Variants in OSBPL9 observed in about 807,000 individuals in gnomAD.
OSBPL9 encodes the protein oxysterol-binding protein-related protein 9.
OSBPL9 carries 40 observed loss-of-function variants against 106.6 expected under a neutral mutation model. That is an observed-to-expected ratio of 0.38 (90% confidence interval 0.29 to 0.49). OSBPL9 has a LOEUF of 0.49. OSBPL9 is among the 20% of genes least tolerant of loss of function. The pLI is 0.97. For synonymous variants in OSBPL9, 269 were observed against 295.4 expected (o/e 0.91, Z 0.92); for missense variants, 609 against 887.2 (o/e 0.69, Z 3.98).
At chr1:51,539,092 C>G in the OSBPL9 span, among the ~76,000 whole-genome samples, 1 of 152,158 alleles carries the variant, frequency 6.6e-6, no homozygotes, top group African/African-American at 2.4e-5. Context: ...AAATTTACAT[C>G]TTTTTCCCAG....
At chr1:51,633,368 A>G (rs1645224828) in intron 1 of OSBPL9, among the ~76,000 whole-genome samples, 1 of 151,462 alleles carries the variant, frequency 6.6e-6, no homozygotes, top group South Asian at 2.1e-4. Context: ...CCAGGTGTTC[A>G]AGACCAGCCT....
At chr1:51,621,783 A>G (rs1393761705) in intron 1 of OSBPL9, among the ~76,000 whole-genome samples, 1 of 152,192 alleles carries the variant, frequency 6.6e-6, no homozygotes, top group Non-Finnish European at 1.5e-5. Context: ...TTTACTCTGT[A>G]GAATTTTCTG....
At chr1:51,743,027 G>A (rs752480210) in intron 4 of OSBPL9, among the ~76,000 whole-genome samples, 12 of 152,126 alleles carry the variant, frequency 7.9e-5, no homozygotes, top group Non-Finnish European at 1.8e-4. Context: ...TAGAGTATTA[G>A]TTTTACTAGA....
At chr1:51,737,913 A>G (rs116266756) in intron 4 of OSBPL9, among the ~76,000 whole-genome samples, 1,757 of 152,186 alleles carry the variant, frequency 0.012, 31 homozygotes, top group African/African-American at 0.04. Flanking sequence ...TTTATTGCCT[A>G]AACTGGGATA....
chr1:51,573,501 T>C (rs1239055705), upstream of OSBPL9, among the ~76,000 whole-genome samples: 3 of 66,010 alleles, frequency 4.5e-5, no homozygotes, highest in East Asian at 5.0e-4. Flanking sequence ...AGCATGAAAC[T>C]CCATCTCAAA....
At chr1:51,734,122 G>A (rs966481858) in intron 4 of OSBPL9, among the ~76,000 whole-genome samples, 1 of 152,170 alleles carries the variant, frequency 6.6e-6, no homozygotes, top group South Asian at 2.1e-4. Context: ...GAATGGTTTG[G>A]TTGCTCTGTA....
At chr1:51,697,321 C>T (rs372040952) in intron 3 of OSBPL9, among the ~76,000 whole-genome samples, 93 of 152,128 alleles carry the variant, frequency 6.1e-4, no homozygotes, top group African/African-American at 2.2e-3. Context: ...CATAGTACCC[C>T]GTGCATATTG....
rs1353337548 is a variant in OSBPL9, at chr1:51,646,760, T to G, written c.112-5231T>G. On this transcript the variant is annotated intron_variant, in intron 1 of 23. Coordinates refer to ENST00000428468, the MANE Select transcript of OSBPL9 (RefSeq NM_024586.6). Reference sequence around the variant, plus strand: ...ATGTTGGCCAGGCTGGTCTTGAACTTCTGACCTCAAGTGATCCACCTGTTG... The same window carrying G: ...ATGTTGGCCAGGCTGGTCTTGAACTGCTGACCTCAAGTGATCCACCTGTTG... Among the ~76,000 whole-genome samples, 4 of 152,094 alleles carry G rather than the reference T, an allele frequency of 2.6e-5. No homozygotes were observed. In the East Asian group the frequency reaches 5.8e-4, roughly 22 times the overall value.
chr1:51,527,745 G>A, the OSBPL9 span, among the ~76,000 whole-genome samples: 1 of 151,970 alleles, frequency 6.6e-6, no homozygotes, highest in East Asian at 1.9e-4. Context: ...AAAAAATGAA[G>A]TCTATTCTGA....
intron 1 of OSBPL9, among the ~76,000 whole-genome samples, chr1:51,647,277 C>T (rs1646220137): frequency 6.6e-6 from 1 of 152,136 alleles, no homozygotes; most frequent in African/African-American, 2.4e-5. Context: ...ATAAATCCCA[C>T]TTGGTCATAG....
Position 51,787,342 on chromosome 1 carries a change from C to CTT in OSBPL9, c.2001-9_2001-8dup, listed in dbSNP as rs541120914. On this transcript the variant is annotated splice_polypyrimidine_tract_variant and intron_variant, in intron 22 of 23. Coordinates refer to ENST00000428468, the MANE Select transcript of OSBPL9 (RefSeq NM_024586.6). ...TCAACATTGGCAGCTCCTCTTACCT[C>CTT]TTTGTTTTAGCCTTTGGAAGGATGT... 8.7e-5 allele frequency: 141 copies of CTT among 1,613,286 alleles called. No homozygotes were observed. In the African/African-American group the frequency reaches 1.7e-3, roughly 20 times the overall value.
Position 51,711,247 on chromosome 1 carries a change from C to T in OSBPL9, c.242-2756C>T, listed in dbSNP as rs535644832. 8.2e-4 allele frequency among the ~76,000 whole-genome samples: 124 copies of T among 151,194 alleles called. 1 individual carries two copies. Among genetic ancestry groups the T allele is most frequent in the Middle Eastern group, 3.5e-3 (1 of 288 alleles). On this transcript the variant is annotated intron_variant, in intron 3 of 23. Coordinates refer to ENST00000428468, the MANE Select transcript of OSBPL9 (RefSeq NM_024586.6). Reference sequence around the variant, plus strand: ...CACACCTCCCAGACGGGGTGGTGGCCGGGCAGAGGGGCTCCTCACTTCCCA... The same window carrying T: ...CACACCTCCCAGACGGGGTGGTGGCTGGGCAGAGGGGCTCCTCACTTCCCA...
the OSBPL9 span, among the ~76,000 whole-genome samples, chr1:51,571,272 C>T: frequency 6.6e-6 from 1 of 152,206 alleles, no homozygotes; most frequent in Non-Finnish European, 1.5e-5. Context: ...AGAAGAATCA[C>T]AGGTCCTGAT....
At chr1:51,598,576 G>T (rs1471140310) in intron 2 of OSBPL9, among the ~76,000 whole-genome samples, 4 of 152,222 alleles carry the variant, frequency 2.6e-5, no homozygotes, top group Non-Finnish European at 5.9e-5. Flanking sequence ...AACTAAAAAT[G>T]TCTCCAGACA....
rs956487750 is a variant in OSBPL9 at position 51,693,217 on chromosome 1, TA to T, written c.242-20778del. ...ACCGAGACCCTGTTTCTACAAAAAA[TA>T]AAAAAAATTAGCCTGGCATGGCACT... On this transcript the variant is annotated intron_variant, in intron 3 of 23. Transcript: ENST00000428468. Among the ~76,000 whole-genome samples, 30 of 151,002 alleles carry T rather than the reference TA, an allele frequency of 2.0e-4. 1 individual carries two copies. The highest frequency in any genetic ancestry group is 2.8e-4 in the Non-Finnish European group (19 of 67,728).
intron 3 of OSBPL9, among the ~76,000 whole-genome samples, chr1:51,673,579 C>T (rs1650443357): frequency 6.6e-6 from 1 of 152,198 alleles, no homozygotes; most frequent in African/African-American, 2.4e-5. Flanking sequence ...CAGGTGGGAG[C>T]AGTGTCTTTG....
At chr1:51,630,399 C>T (rs1318442236) in intron 1 of OSBPL9, among the ~76,000 whole-genome samples, 3 of 151,932 alleles carry the variant, frequency 2.0e-5, no homozygotes, top group East Asian at 3.9e-4. Flanking sequence ...CTGGGTTAGT[C>T]GTTTTCTGCA....
At chr1:51,677,766 G>A (rs1250360325) in intron 3 of OSBPL9, among the ~76,000 whole-genome samples, 5 of 152,126 alleles carry the variant, frequency 3.3e-5, no homozygotes, top group Non-Finnish European at 7.3e-5. Flanking sequence ...GTCCAGGCTG[G>A]TCTTGAACTC....
At chr1:51,698,160 GAA>G (rs1377749278) in intron 3 of OSBPL9, among the ~76,000 whole-genome samples, 1 of 152,150 alleles carries the variant, frequency 6.6e-6, no homozygotes, top group African/African-American at 2.4e-5. Context: ...CCCAAGGTCA[GAA>G]TGAATAAGGT....
Sources: allele counts gnomAD v4.1 joint callset (sites outside exome capture counted in the v4.1 genomes callset), GRCh38; gene constraint gnomAD v4.1.1; transcripts MANE v1.5; gene names NCBI Gene and HGNC (gene_info 2026-07-23, HGNC 2026-07-21).